The following RBMS3 variants were observed in gnomAD, a reference collection of about 807,000 sequenced individuals.
The protein encoded by RBMS3 is RNA binding motif single stranded interacting protein 3.
In RBMS3, 27 loss-of-function variants were observed where a neutral mutation model predicts 66.8. The ratio of observed to expected loss-of-function variants is 0.40; its 90% CI spans 0.30 to 0.56. The LOEUF (loss-of-function observed/expected upper bound fraction) is 0.56. RBMS3 is among the 20% of genes least tolerant of loss of function. The pLI, the probability that RBMS3 is intolerant of heterozygous loss-of-function variation, is 0.40. For synonymous variants in RBMS3, 188 were observed against 183.0 expected (o/e 1.03, Z -0.22); for missense variants, 513 against 549.5 (o/e 0.93, Z 0.66).
chr3:29,431,892 AT>A (rs758590269), intron 1 of RBMS3, among the ~76,000 whole-genome samples: 8 of 151,646 alleles, frequency 5.3e-5, no homozygotes, highest in Non-Finnish European at 1.2e-4. Context: ...CACCCAGCTA[AT>A]TTTTGTGTAT....
In RBMS3 at chr3:29,425,271, G is replaced by A. The variant is rs1329311220; in HGVS notation, c.76-9472G>A. Among the ~76,000 whole-genome samples, 4 of 150,744 alleles carry A rather than the reference G, an allele frequency of 2.7e-5. No homozygotes were observed. The Admixed American group carries it at 2.7e-4, about 10-fold the overall frequency. ...CGCCTGTAGTCCCAGCTAGTTGGGA[G>A]GCTGAGTCAGGAGAATCGCTTGAAC... On this transcript the variant is annotated intron_variant, in intron 1 of 14. Transcript: ENST00000383767.
At chr3:29,611,710 A>C (rs1263480912) in intron 4 of RBMS3, among the ~76,000 whole-genome samples, 1 of 152,000 alleles carries the variant, frequency 6.6e-6, no homozygotes, top group Non-Finnish European at 1.5e-5. Context: ...AGGGTAGAAG[A>C]CCAGAATTGT....
chr3:29,372,191 G>A (rs1403460629), intron 1 of RBMS3, among the ~76,000 whole-genome samples: 3 of 152,182 alleles, frequency 2.0e-5, no homozygotes, highest in African/African-American at 4.8e-5. Flanking sequence ...TGATCTGGAT[G>A]TGGGGACGTG....
At chr3:29,748,036 A>G (rs1193600216) in intron 5 of RBMS3, among the ~76,000 whole-genome samples, 1 of 152,176 alleles carries the variant, frequency 6.6e-6, no homozygotes, top group Non-Finnish European at 1.5e-5. Flanking sequence ...TATTACAAAA[A>G]CACCCCAAAC....
rs962137125 is a variant in RBMS3, at chr3:29,791,502, C to T, written c.637+28513C>T. Among the ~76,000 whole-genome samples the T allele has an allele frequency of 3.3e-5, 5 of 151,922 alleles. No individual in the cohort carries two copies. The East Asian group carries it at 7.7e-4, about 23-fold the overall frequency. ...TCAAATAGCTTCTCAATGTTTTTTT[C>T]GTCTATTTTTCTTTCCTTCTAGAAA... is the stretch of plus-strand genomic sequence containing the variant. On this transcript the variant is annotated intron_variant, in intron 6 of 14. Coordinates refer to ENST00000383767, the MANE Select transcript of RBMS3 (RefSeq NM_001003793.3).
intron 1 of RBMS3, among the ~76,000 whole-genome samples, chr3:29,361,519 A>T (rs925326290): frequency 6.6e-6 from 1 of 152,096 alleles, no homozygotes; most frequent in African/African-American, 2.4e-5. Context: ...TCTGACAATT[A>T]TGTGTCTTGG....
intron 6 of RBMS3, among the ~76,000 whole-genome samples, chr3:29,847,975 C>G (rs1474448905): frequency 6.6e-6 from 1 of 152,158 alleles, no homozygotes; most frequent in East Asian, 1.9e-4. Context: ...TGAACCTATA[C>G]AAGGGGATGT....
At chr3:29,431,043 A>C (rs1324729100) in intron 1 of RBMS3, among the ~76,000 whole-genome samples, 1 of 152,234 alleles carries the variant, frequency 6.6e-6, no homozygotes, top group Non-Finnish European at 1.5e-5. Context: ...GAGGATTCCA[A>C]GAAGCTAAAC....
At chr3:29,912,065 C>A (rs1042070400) in intron 10 of RBMS3, among the ~76,000 whole-genome samples, 3 of 151,700 alleles carry the variant, frequency 2.0e-5, no homozygotes, top group Admixed American at 1.3e-4. Flanking sequence ...AGGATGGATG[C>A]AGGGATGCGG....
intron 1 of RBMS3, among the ~76,000 whole-genome samples, chr3:29,380,856 A>G (rs1025038180): frequency 6.6e-6 from 1 of 152,194 alleles, no homozygotes; most frequent in African/African-American, 2.4e-5. Context: ...GTGGAATTGC[A>G]TGGGACATGA....
intron 1 of RBMS3, among the ~76,000 whole-genome samples, chr3:29,403,505 A>G (rs2039894507): frequency 6.6e-6 from 1 of 152,038 alleles, no homozygotes; most frequent in Admixed American, 6.6e-5. Context: ...AGCTGGGGAA[A>G]AGCCAATCTA....
At chr3:29,883,913 G>A (rs148939694) in intron 7 of RBMS3, among the ~76,000 whole-genome samples, 221 of 152,026 alleles carry the variant, frequency 1.5e-3, no homozygotes, top group African/African-American at 5.2e-3. Flanking sequence ...AGTAAAAATG[G>A]AAATCATCCA....
intron 4 of RBMS3, chr3:29,730,846 A>C: frequency 1.0e-6 from 1 of 976,856 alleles, no homozygotes; most frequent in Non-Finnish European, 1.2e-6. Context: ...AACTATAGAG[A>C]GATCTCAATA....
intron 6 of RBMS3, among the ~76,000 whole-genome samples, chr3:29,793,919 C>A (rs9832261): frequency 6.6e-6 from 1 of 152,114 alleles, no homozygotes. Context: ...CTTGGTGCTA[C>A]CCTAACAATA....
At chr3:29,406,824 T>C (rs1255684511) in intron 1 of RBMS3, among the ~76,000 whole-genome samples, 1 of 152,226 alleles carries the variant, frequency 6.6e-6, no homozygotes, top group Non-Finnish European at 1.5e-5. Context: ...AATATTATTT[T>C]ACTCCTTTGA....
At chr3:29,401,499 T>G (rs2125666750) in intron 1 of RBMS3, among the ~76,000 whole-genome samples, 1 of 152,224 alleles carries the variant, frequency 6.6e-6, no homozygotes, top group East Asian at 1.9e-4. Context: ...ATGCCTTCAC[T>G]GGTGCAGGGC....
intron 3 of RBMS3, among the ~76,000 whole-genome samples, chr3:29,542,109 C>T (rs1448768580): frequency 6.6e-6 from 1 of 152,206 alleles, no homozygotes; most frequent in African/African-American, 2.4e-5. Context: ...CTTTCTGCAA[C>T]AGACCCTGTA....
Position 30,008,095 on chromosome 3 carries a change from CTT to C in RBMS3, c.*4235_*4236del, listed in dbSNP as rs1279148683. 5 of 151,778 alleles carry C rather than the reference CTT, an allele frequency of 3.3e-5. No individual in the cohort carries two copies. Among genetic ancestry groups the C allele is most frequent in the African/African-American group, 1.2e-4 (5 of 41,290 alleles). 9.4% of individuals were successfully genotyped at this position (151,778 alleles called of 1,614,324 possible). ...TAATTTTTTTTTCCCAAAAAAACCT[CTT>C]TATTTAAATAATTGGGATATTTGCT... On this transcript the variant is annotated 3_prime_UTR_variant, in exon 15 of 15. Transcript: ENST00000383767.
intron 1 of RBMS3, among the ~76,000 whole-genome samples, chr3:29,427,223 T>C (rs2040993938): frequency 6.6e-6 from 1 of 152,262 alleles, no homozygotes; most frequent in South Asian, 2.1e-4. Context: ...AACAATTGTT[T>C]ACTATGCTTG....
Sources: allele counts gnomAD v4.1 joint callset (sites outside exome capture counted in the v4.1 genomes callset), GRCh38; gene constraint gnomAD v4.1.1; transcripts MANE v1.5; gene names NCBI Gene and HGNC (gene_info 2026-07-23, HGNC 2026-07-21).